Variants in TSNARE1 observed in about 807,000 individuals in gnomAD.
TSNARE1 encodes the protein t-SNARE domain containing 1, also known as t-SNARE domain-containing protein 1.
Under a neutral mutation model 62.0 loss-of-function variants are expected in TSNARE1, and 49 were observed. The observed-to-expected ratio is 0.79, with a 90% CI of 0.63 to 1.00. The LOEUF is 1.00. Among genes scored for constraint, TSNARE1 ranks in the 50% least tolerant of loss-of-function variants. The probability of loss-of-function intolerance (pLI) is 0.00; values close to 1 mark genes in which losing one functional copy is unlikely to be tolerated. For synonymous variants in TSNARE1, 328 were observed against 294.4 expected (o/e 1.11, Z -1.17); for missense variants, 755 against 700.1 (o/e 1.08, Z -0.88).
intron 6 of TSNARE1, among the ~76,000 whole-genome samples, chr8:142,328,775 G>A (rs891912054): frequency 2.0e-5 from 3 of 151,082 alleles, no homozygotes; most frequent in Non-Finnish European, 4.4e-5. Flanking sequence ...ATCGCAACGT[G>A]GCCACTGGAC....
chr8:142,233,634 A>G (rs1817235778), intron 12 of TSNARE1, among the ~76,000 whole-genome samples: 1 of 152,164 alleles, frequency 6.6e-6, no homozygotes, highest in Non-Finnish European at 1.5e-5. Flanking sequence ...CACAGACACA[A>G]GCTCACCTCC....
intron 11 of TSNARE1, among the ~76,000 whole-genome samples, chr8:142,282,212 T>C (rs62513098): frequency 0.24 from 37,055 of 152,014 alleles, 5,115 homozygotes; most frequent in African/African-American, 0.37. Flanking sequence ...CCGCTCTCCC[T>C]ACACCCCCCC....
At chr8:142,301,996 C>T (rs1027369241) in intron 9 of TSNARE1, among the ~76,000 whole-genome samples, 21 of 152,206 alleles carry the variant, frequency 1.4e-4, no homozygotes, top group African/African-American at 3.1e-4. Flanking sequence ...AACAGTGCCA[C>T]GTGTGCCAGG....
chr8:142,272,606 A>ACCTG (rs1819761738), intron 12 of TSNARE1: 1 of 397,656 alleles, frequency 2.5e-6, no homozygotes, highest in African/African-American at 8.2e-5. Context: ...CCACCCACCC[A>ACCTG]TCTACACCTT....
intron 13 of TSNARE1, among the ~76,000 whole-genome samples, chr8:142,212,903 G>A (rs1247529578): frequency 1.1e-5 from 1 of 91,920 alleles, no homozygotes; most frequent in Non-Finnish European, 2.1e-5. Flanking sequence ...TCTCCTGCCC[G>A]GTCCCTCTCT....
intron 5 of TSNARE1, 95 bp downstream of exon 5, chr8:142,331,659 G>A (rs1042863358): frequency 4.9e-5 from 60 of 1,224,310 alleles, no homozygotes; most frequent in Non-Finnish European, 6.8e-5. Flanking sequence ...GATGGCCTGA[G>A]GGGGGAAGCC....
intron 12 of TSNARE1, among the ~76,000 whole-genome samples, chr8:142,261,074 G>C (rs532165465): frequency 9.5e-3 from 46 of 4,864 alleles, no homozygotes; most frequent in African/African-American, 0.036. Context: ...GGAGGGAGGA[G>C]AGAGGAAAGG....
At chr8:142,279,433 C>G (rs756964403) in intron 11 of TSNARE1, among the ~76,000 whole-genome samples, 7 of 152,216 alleles carry the variant, frequency 4.6e-5, no homozygotes, top group Non-Finnish European at 8.8e-5. Context: ...CTTGTCTCTG[C>G]CCCTCACCAG....
At chr8:142,227,146 C>T (rs564549066) in intron 13 of TSNARE1, among the ~76,000 whole-genome samples, 2 of 151,344 alleles carry the variant, frequency 1.3e-5, no homozygotes, top group Admixed American at 1.3e-4. Flanking sequence ...ACCCACACCC[C>T]AGTGACAGCC....
intron 2 of TSNARE1, among the ~76,000 whole-genome samples, chr8:142,348,026 G>A (rs1297588663): frequency 6.6e-6 from 1 of 152,232 alleles, no homozygotes; most frequent in African/African-American, 2.4e-5. Context: ...CTAGAACATG[G>A]CAGGGACAGG....
intron 2 of TSNARE1, among the ~76,000 whole-genome samples, chr8:142,353,991 G>A (rs1197838478): frequency 6.6e-6 from 1 of 152,180 alleles, no homozygotes; most frequent in Non-Finnish European, 1.5e-5. Flanking sequence ...CCCTGACCCA[G>A]ACATCACCTA....
chr8:142,300,694 C>T, intron 9 of TSNARE1, 50 bp from the exon 10 acceptor site: 1 of 1,569,662 alleles, frequency 6.4e-7, no homozygotes, highest in East Asian at 2.3e-5. Flanking sequence ...CCATTACCAC[C>T]ACAACCCAGG....
rs577990871 is a variant in TSNARE1, at chr8:142,331,759, G to C, written c.818C>G (p.Ser273Cys). The change falls in exon 5 of 14, where the codon TCC becomes TGC. Residue 273 changes from serine (S) to cysteine (C), a missense_variant. Transcript: ENST00000524325. ...CAGGCCAGACGCACACTCACCACTG[G>C]AGTTGATTCGGAAGACGTTGGCCGA... Reference protein sequence around the residue: ...EMSANVFRINSSVTSLERSLQ... With the variant: ...EMSANVFRINCSVTSLERSLQ... 1.1e-5 allele frequency: 18 copies of C among 1,597,452 alleles called. No individual in the cohort carries two copies. The highest frequency in any genetic ancestry group is 1.5e-5 in the Non-Finnish European group (17 of 1,172,352).
intron 12 of TSNARE1, among the ~76,000 whole-genome samples, chr8:142,257,776 C>T (rs1002878678): frequency 1.6e-4 from 25 of 152,232 alleles, no homozygotes; most frequent in African/African-American, 5.5e-4. Context: ...CAGGCCACCC[C>T]TGCCAGACAC....
intron 1 of TSNARE1, among the ~76,000 whole-genome samples, chr8:142,380,752 G>GA (rs1291963787): frequency 6.6e-6 from 1 of 152,180 alleles, no homozygotes; most frequent in Non-Finnish European, 1.5e-5. Flanking sequence ...AACGCTCCAG[G>GA]AAAGTCTGAG....
At chr8:142,311,163 T>C (rs553577729) in intron 9 of TSNARE1, among the ~76,000 whole-genome samples, 1 of 151,034 alleles carries the variant, frequency 6.6e-6, no homozygotes, top group Admixed American at 6.6e-5. Flanking sequence ...GGTGGTTGTT[T>C]TTTTTTTTTT....
intron 4 of TSNARE1, among the ~76,000 whole-genome samples, chr8:142,338,208 C>T (rs559935942): frequency 6.6e-6 from 1 of 152,230 alleles, no homozygotes; most frequent in African/African-American, 2.4e-5. Flanking sequence ...AGGCACGCTC[C>T]CCACCAGTGC....
chr8:142,274,506 T>C, intron 12 of TSNARE1: 1 of 985,440 alleles, frequency 1.0e-6, no homozygotes, highest in Non-Finnish European at 1.2e-6. Flanking sequence ...TCCCCTCGGC[T>C]GCACCCCGGA....
chr8:142,402,372 G>A (rs1176944606), intron 1 of TSNARE1, among the ~76,000 whole-genome samples: 3 of 152,216 alleles, frequency 2.0e-5, no homozygotes, highest in East Asian at 3.9e-4. Flanking sequence ...TGGCACGGAG[G>A]ACCTGAATCC....
Sources: allele counts gnomAD v4.1 joint callset (sites outside exome capture counted in the v4.1 genomes callset), GRCh38; gene constraint gnomAD v4.1.1; transcripts MANE v1.5; gene names NCBI Gene and HGNC (gene_info 2026-07-23, HGNC 2026-07-21).